The following PCDH9 variants were observed in gnomAD, a reference collection of about 807,000 sequenced individuals.
The protein encoded by PCDH9 is protocadherin-9.
Under a neutral mutation model 70.6 loss-of-function variants are expected in PCDH9, and 24 were observed. The observed-to-expected ratio is 0.34, with a 90% confidence interval of 0.25 to 0.48. The LOEUF (loss-of-function observed/expected upper bound fraction) is 0.48, where lower values mean the gene tolerates loss of function less well. Ranked by LOEUF, PCDH9 falls within the 20% of genes least tolerant of loss-of-function variation. The probability of loss-of-function intolerance (pLI) is 0.99; values close to 1 mark genes in which losing one functional copy is unlikely to be tolerated. For synonymous variants in PCDH9, 562 were observed against 558.5 expected, an observed-to-expected ratio of 1.01 and a Z score of -0.09; for missense variants, 1,281 against 1,503.6, an observed-to-expected ratio of 0.85 and a Z score of 2.45.
chr13:66,550,191 G>A (rs141613623), intron 4 of PCDH9, among the ~76,000 whole-genome samples: 36 of 151,948 alleles, frequency 2.4e-4, no homozygotes, highest in African/African-American at 6.0e-4. Flanking sequence ...GTTGATTTGC[G>A]TTTTATAATA....
intron 3 of PCDH9, among the ~76,000 whole-genome samples, chr13:66,897,055 A>G (rs1404106598): frequency 6.6e-6 from 1 of 152,158 alleles, no homozygotes; most frequent in Non-Finnish European, 1.5e-5. Context: ...TTGTTTTAGC[A>G]CTGCTTACAC....
intron 3 of PCDH9, among the ~76,000 whole-genome samples, chr13:66,855,618 A>G (rs2139465601): frequency 6.6e-6 from 1 of 152,118 alleles, no homozygotes; most frequent in African/African-American, 2.4e-5. Context: ...AAGAATATAT[A>G]TATATAGCAA....
chr13:66,464,054 G>A (rs1211908417), intron 4 of PCDH9, among the ~76,000 whole-genome samples: 1 of 151,800 alleles, frequency 6.6e-6, no homozygotes, highest in Non-Finnish European at 1.5e-5. Context: ...CCACCAAAGT[G>A]ATCAATGGCA....
chr13:67,143,923 A>G (rs1203526253), intron 2 of PCDH9, among the ~76,000 whole-genome samples: 2 of 152,230 alleles, frequency 1.3e-5, no homozygotes, highest in East Asian at 3.8e-4. Context: ...AAGGTGAGTC[A>G]TAAGCATTAT....
intron 4 of PCDH9, among the ~76,000 whole-genome samples, chr13:66,339,028 A>C (rs1037038156): frequency 1.3e-5 from 2 of 152,010 alleles, no homozygotes; most frequent in Non-Finnish European, 2.9e-5. Context: ...ATTAATGAAA[A>C]CCTTTACCAA....
intron 2 of PCDH9, among the ~76,000 whole-genome samples, chr13:66,913,009 AAC>A (rs2082495147): frequency 6.6e-6 from 1 of 152,134 alleles, no homozygotes; most frequent in Admixed American, 6.6e-5. Flanking sequence ...AGTCTTTAGA[AAC>A]AGTCTGCAAG....
At chr13:66,578,421 C>T (rs985722273) in intron 4 of PCDH9, among the ~76,000 whole-genome samples, 1 of 151,872 alleles carries the variant, frequency 6.6e-6, no homozygotes, top group Non-Finnish European at 1.5e-5. Flanking sequence ...AGCTACCCAC[C>T]CCACAGGATG....
chr13:66,404,080 C>G (rs1227538437), intron 4 of PCDH9, among the ~76,000 whole-genome samples: 1 of 152,158 alleles, frequency 6.6e-6, no homozygotes, highest in Non-Finnish European at 1.5e-5. Context: ...CGTTAACTAT[C>G]AGGAAAACTG....
At chr13:66,690,870 G>A (rs372510302) in intron 3 of PCDH9, among the ~76,000 whole-genome samples, 39 of 152,272 alleles carry the variant, frequency 2.6e-4, no homozygotes, top group African/African-American at 8.9e-4. Flanking sequence ...TAGAATGCAA[G>A]CAAGACCTCT....
intron 2 of PCDH9, among the ~76,000 whole-genome samples, chr13:67,042,975 G>C (rs1364777160): frequency 6.6e-6 from 1 of 152,068 alleles, no homozygotes; most frequent in African/African-American, 2.4e-5. Context: ...GGATTGCATA[G>C]AAGGAGGTGA....
chr13:66,421,332 C>T (rs1248217638), intron 4 of PCDH9, among the ~76,000 whole-genome samples: 3 of 152,084 alleles, frequency 2.0e-5, no homozygotes, highest in African/African-American at 7.2e-5. Context: ...GAGAACATCA[C>T]AAAGATACTT....
At chr13:66,550,211 T>A (rs1449230311) in intron 4 of PCDH9, among the ~76,000 whole-genome samples, 1 of 152,116 alleles carries the variant, frequency 6.6e-6, no homozygotes, top group African/African-American at 2.4e-5. Context: ...AATTGTTTAA[T>A]GATTTAAGCT....
At chr13:67,088,488 C>T (rs562150270) in intron 2 of PCDH9, among the ~76,000 whole-genome samples, 1 of 151,950 alleles carries the variant, frequency 6.6e-6, no homozygotes, top group African/African-American at 2.4e-5. Flanking sequence ...TATAAAATAA[C>T]TTAGATTTTT....
intron 3 of PCDH9, among the ~76,000 whole-genome samples, chr13:66,838,295 G>A (rs1167122570): frequency 6.6e-6 from 1 of 151,774 alleles, no homozygotes; most frequent in Admixed American, 6.6e-5. Flanking sequence ...CAACTGAGTA[G>A]TACCATGCAC....
intron 3 of PCDH9, among the ~76,000 whole-genome samples, chr13:66,680,308 A>T (rs1351208835): frequency 6.6e-6 from 1 of 152,018 alleles, no homozygotes; most frequent in East Asian, 1.9e-4. Context: ...GTAATTTAGA[A>T]AGTTTCCTTT....
Position 66,304,649 on chromosome 13 carries a change from C to T in PCDH9, c.*6G>A. Reference sequence around the variant, plus strand: ...TTAAAGTTATTAGGTCCCATATAGCCTTTTCTTAGAGTTGGTGCTCCTTAG... The same window carrying T: ...TTAAAGTTATTAGGTCCCATATAGCTTTTTCTTAGAGTTGGTGCTCCTTAG... On this transcript the variant is annotated 3_prime_UTR_variant, in exon 5 of 5. Coordinates refer to ENST00000377865, the MANE Select transcript of PCDH9 (RefSeq NM_203487.3). 1 of 1,610,916 alleles carries T rather than the reference C, an allele frequency of 6.2e-7. No individual in the cohort carries two copies. The highest frequency in any genetic ancestry group is 1.3e-5 in the African/African-American group (1 of 74,876).
intron 2 of PCDH9, chr13:67,207,975 C>T (rs901646081): frequency 6.6e-6 from 1 of 152,078 alleles, no homozygotes; most frequent in African/African-American, 2.4e-5. Flanking sequence ...ACAGTCTATA[C>T]CAGTTTATTA....
At chr13:67,008,769 T>C (rs1043568288) in intron 2 of PCDH9, among the ~76,000 whole-genome samples, 13 of 152,124 alleles carry the variant, frequency 8.5e-5, no homozygotes, top group Non-Finnish European at 5.9e-5. Context: ...CTTATATTCA[T>C]TGTATACCTA....
intron 3 of PCDH9, among the ~76,000 whole-genome samples, chr13:66,775,263 T>C (rs894838869): frequency 2.0e-5 from 3 of 152,212 alleles, no homozygotes; most frequent in Non-Finnish European, 4.4e-5. Context: ...ACGCCTAATG[T>C]TGCTTTCAGA....
Sources: allele counts gnomAD v4.1 joint callset (sites outside exome capture counted in the v4.1 genomes callset), GRCh38; gene constraint gnomAD v4.1.1; transcripts MANE v1.5; gene names NCBI Gene and HGNC (gene_info 2026-07-23, HGNC 2026-07-21).